TMEM266: variants seen among roughly 807,000 people sequenced by gnomAD.
TMEM266 encodes Hv1 related protein 1.
A neutral mutation model predicts 50.5 loss-of-function variants in TMEM266; 33 were observed. That is an observed-to-expected ratio of 0.65 (90% CI 0.50 to 0.87). The LOEUF (loss-of-function observed/expected upper bound fraction) is 0.87. TMEM266 is among the 40% of genes least tolerant of loss of function. The pLI, the probability that TMEM266 is intolerant of heterozygous loss-of-function variation, is 0.00. For missense variants in TMEM266, 655 were observed against 695.1 expected (o/e 0.94, Z 0.65); for synonymous variants, 310 against 292.3 (o/e 1.06, Z -0.62).
chr15:76,063,450 C>A (rs947823801), intron 1 of TMEM266, among the ~76,000 whole-genome samples: 1 of 152,200 alleles, frequency 6.6e-6, no homozygotes, highest in South Asian at 2.1e-4. Flanking sequence ...TGCTGTACCC[C>A]CTGCCCCAGG....
intron 1 of TMEM266, among the ~76,000 whole-genome samples, chr15:76,097,388 A>G (rs2036937558): frequency 6.6e-6 from 1 of 152,172 alleles, no homozygotes; most frequent in East Asian, 1.9e-4. Flanking sequence ...GTTTGGCTGG[A>G]TATGAAATTC....
intron 9 of TMEM266, among the ~76,000 whole-genome samples, chr15:76,195,799 A>G (rs888791693): frequency 6.6e-6 from 1 of 152,252 alleles, no homozygotes; most frequent in Non-Finnish European, 1.5e-5. Context: ...CCAATGACCT[A>G]TAAGACCCTG....
chr15:76,095,316 A>G (rs1447115512), intron 1 of TMEM266, among the ~76,000 whole-genome samples: 1 of 152,072 alleles, frequency 6.6e-6, no homozygotes, highest in African/African-American at 2.4e-5. Context: ...CAGAGTTTTT[A>G]GCATGAAGGG....
intron 9 of TMEM266, among the ~76,000 whole-genome samples, chr15:76,196,574 T>C (rs1219063067): frequency 6.6e-6 from 1 of 151,914 alleles, no homozygotes; most frequent in East Asian, 1.9e-4. Flanking sequence ...TGCTTGTTGC[T>C]AACTAACTGT....
chr15:76,064,010 A>G (rs2036362575), intron 1 of TMEM266, among the ~76,000 whole-genome samples: 1 of 152,144 alleles, frequency 6.6e-6, no homozygotes, highest in East Asian at 1.9e-4. Flanking sequence ...GAGGCAGCAA[A>G]TGGTACGTGG....
intron 1 of TMEM266, among the ~76,000 whole-genome samples, chr15:76,104,547 G>C (rs2955750): frequency 0.051 from 7,781 of 152,016 alleles, 628 homozygotes; most frequent in African/African-American, 0.17. Context: ...GGCCCGGCGC[G>C]GTGGCTCACG....
At position 76,192,016 on chromosome 15, in the gene TMEM266, C is replaced by T; in HGVS notation, c.817C>T (p.Leu273=). The T allele has an allele frequency of 6.3e-7, 1 of 1,576,798 alleles. No individual in the cohort carries two copies. The highest frequency in any genetic ancestry group is 8.6e-7 in the Non-Finnish European group (1 of 1,166,480). ...LDLAAEREAA[L]QAPHVLSQPR... ...GCACCTGGCGCAGCAGGACCTGGAC[C>T]TGGCTGCCGAGCGCGAAGCGGCGCT... The change falls in exon 9 of 11, where the codon CTG becomes TTG. Residue 273 remains leucine (L), a synonymous_variant. Transcript: ENST00000388942.
intron 3 of TMEM266, among the ~76,000 whole-genome samples, chr15:76,156,062 G>T (rs546464368): frequency 6.6e-6 from 1 of 152,310 alleles, no homozygotes; most frequent in South Asian, 2.1e-4. Flanking sequence ...ATGAGCTGCA[G>T]GTTTGCATAT....
chr15:76,176,828 T>A (rs2038290476), intron 8 of TMEM266, among the ~76,000 whole-genome samples: 1 of 152,176 alleles, frequency 6.6e-6, no homozygotes, highest in African/African-American at 2.4e-5. Flanking sequence ...GTCTCCAAGG[T>A]GGCCTCAGGG....
At chr15:76,082,970 AAAC>A (rs35634458) in intron 1 of TMEM266, among the ~76,000 whole-genome samples, 14 of 150,188 alleles carry the variant, frequency 9.3e-5, no homozygotes, top group South Asian at 4.2e-4. Context: ...CTCTGTCTAA[AAAC>A]AACAACAACA....
chr15:76,063,957 G>A (rs1022752724), intron 1 of TMEM266, among the ~76,000 whole-genome samples: 38 of 152,192 alleles, frequency 2.5e-4, no homozygotes, highest in African/African-American at 8.0e-4. Flanking sequence ...AGAGGAACCT[G>A]TAAAGATGGG....
intron 3 of TMEM266, among the ~76,000 whole-genome samples, chr15:76,140,229 T>C (rs557321796): frequency 4.5e-4 from 69 of 152,260 alleles, no homozygotes; most frequent in African/African-American, 1.5e-3. Flanking sequence ...GGGGCGCCGA[T>C]TGGCAGCCAG....
intron 1 of TMEM266, 70 bp downstream of exon 1, chr15:76,060,086 C>CG (rs1415738242): frequency 9.6e-6 from 1 of 104,262 alleles, no homozygotes. Flanking sequence ...GTGGTCGGGG[C>CG]GGGGGGTGGG....
intron 1 of TMEM266, among the ~76,000 whole-genome samples, chr15:76,127,497 T>C (rs565711950): frequency 2.3e-4 from 35 of 152,166 alleles, no homozygotes; most frequent in Non-Finnish European, 4.6e-4. Context: ...CAGCTAATTT[T>C]TGTATTTTTA....
chr15:76,087,035 G>C (rs2036787835), intron 1 of TMEM266, among the ~76,000 whole-genome samples: 1 of 152,094 alleles, frequency 6.6e-6, no homozygotes, highest in Non-Finnish European at 1.5e-5. Context: ...AAGTCAGCAT[G>C]AATTGGCCTT....
chr15:76,122,155 G>A (rs761576291), intron 1 of TMEM266, among the ~76,000 whole-genome samples: 2 of 152,236 alleles, frequency 1.3e-5, no homozygotes, highest in Admixed American at 6.5e-5. Context: ...TAGTTGAGGT[G>A]ACTGGGGCAA....
intron 1 of TMEM266, among the ~76,000 whole-genome samples, chr15:76,100,236 G>A (rs549277784): frequency 5.0e-4 from 76 of 152,338 alleles, no homozygotes; most frequent in South Asian, 1.0e-3. Flanking sequence ...TCGGACTAGA[G>A]ATGGGAGACT....
intron 1 of TMEM266, among the ~76,000 whole-genome samples, chr15:76,083,978 C>T (rs1057153041): frequency 9.9e-5 from 15 of 152,086 alleles, no homozygotes; most frequent in African/African-American, 3.4e-4. Context: ...TAGCAGTTAA[C>T]TTGGGGTGGG....
At position 76,153,454 on chromosome 15, in the gene TMEM266, G is replaced by A. The variant is rs932871277; in HGVS notation, c.228-3150G>A. 2.2e-4 allele frequency among the ~76,000 whole-genome samples: 34 copies of A among 152,180 alleles called. No homozygotes were observed. Among genetic ancestry groups the A allele is most frequent in the African/African-American group, 6.5e-4 (27 of 41,440 alleles). ...GCAGCTGCCCTTTTTATTCATAACCGCCTGAAGGTGCTTGGCTCAGATTTC... is the reference window on the plus strand; with the variant it reads ...GCAGCTGCCCTTTTTATTCATAACCACCTGAAGGTGCTTGGCTCAGATTTC... On this transcript the variant is annotated intron_variant, in intron 3 of 10. Transcript: ENST00000388942. The surrounding 1 kb of genome is among the most constrained non-coding windows in gnomAD (Gnocchi z 4.2).
Sources: gnomAD v4.1 joint callset for allele counts (sites outside exome capture counted in the v4.1 genomes callset) on GRCh38, gnomAD v4.1.1 for gene constraint, Gnocchi (gnomAD v3.1) non-coding constraint, MANE v1.5 for transcripts, NCBI Gene and HGNC (gene_info 2026-07-23, HGNC 2026-07-21) for gene names.